SV2B: variants seen among roughly 807,000 people sequenced by gnomAD.
The protein encoded by SV2B is synaptic vesicle glycoprotein 2B.
Under a neutral mutation model 73.9 loss-of-function variants are expected in SV2B, and 41 were observed. That is an observed-to-expected ratio of 0.56 (90% CI 0.43 to 0.72). The LOEUF is 0.72. Ranked by LOEUF, SV2B falls within the 30% of genes least tolerant of loss-of-function variation. The pLI is 0.00. For missense variants in SV2B, 764 were observed against 857.8 expected, an observed-to-expected ratio of 0.89 and a Z score of 1.37; for synonymous variants, 314 against 314.2, an observed-to-expected ratio of 1.00 and a Z score of 0.01.
In SV2B at chr15:91,197,517, C is replaced by T. The variant is rs2045293056; in HGVS notation, c.-391-28356C>T. On this transcript the variant is annotated intron_variant, in intron 1 of 12. Coordinates refer to ENST00000394232, the MANE Select transcript of SV2B (RefSeq NM_001323032.3). This position sits in a 1 kb window ranked among gnomAD's most constrained non-coding sequence, Gnocchi z 4.9. ...GGGATTACAGGCGTGAGCCACCGCG[C>T]CCAGCCATCATTGTTTTTAATAGAA... 6.6e-6 allele frequency among the ~76,000 whole-genome samples: 1 copy of T among 151,560 alleles called. No homozygotes were observed. The highest frequency in any genetic ancestry group is 1.5e-5 in the Non-Finnish European group (1 of 67,904).
intron 1 of SV2B, among the ~76,000 whole-genome samples, chr15:91,210,110 C>A (rs1443953089): frequency 6.6e-6 from 1 of 151,724 alleles, no homozygotes; most frequent in Non-Finnish European, 1.5e-5. Flanking sequence ...GAGTCTATGG[C>A]AGGATAATTA....
intron 1 of SV2B, among the ~76,000 whole-genome samples, chr15:91,125,497 C>T (rs895961810): frequency 2.6e-5 from 4 of 152,054 alleles, no homozygotes; most frequent in East Asian, 3.9e-4. Flanking sequence ...TTTGGCCAGG[C>T]GCAGTGGCTC....
In SV2B at chr15:91,239,197, G is replaced by A. The variant is rs2046907922; in HGVS notation, c.451+12483G>A. On this transcript the variant is annotated intron_variant, in intron 2 of 12. Transcript: ENST00000394232. The surrounding 1 kb of genome is among the most constrained non-coding windows in gnomAD (Gnocchi z 5.1). ...TCCTCTTCTCCGTGTGGGCTGGCCT[G>A]GCTGCTTGAATGTGTGGAGTGTACG... Among the ~76,000 whole-genome samples the A allele has an allele frequency of 6.6e-6, 1 of 152,108 alleles. No homozygotes were observed.
intron 1 of SV2B, among the ~76,000 whole-genome samples, chr15:91,187,706 C>G (rs2044829080): frequency 6.6e-6 from 1 of 150,840 alleles, no homozygotes; most frequent in Non-Finnish European, 1.5e-5. Context: ...GTTTTCCTTG[C>G]TGCAATGATA....
At chr15:91,221,702 C>CACAT (rs2046224594) in intron 1 of SV2B, among the ~76,000 whole-genome samples, 1 of 151,354 alleles carries the variant, frequency 6.6e-6, no homozygotes, top group African/African-American at 2.4e-5. Flanking sequence ...CGCACACACA[C>CACAT]ACACACACAC....
chr15:91,151,256 T>C (rs561037524), intron 1 of SV2B, among the ~76,000 whole-genome samples: 3 of 152,344 alleles, frequency 2.0e-5, no homozygotes, highest in South Asian at 2.1e-4. Flanking sequence ...ATGTCATTAA[T>C]GGTTACACAG....
intron 1 of SV2B, among the ~76,000 whole-genome samples, chr15:91,161,530 T>C (rs1010574614): frequency 2.0e-5 from 3 of 152,226 alleles, no homozygotes; most frequent in African/African-American, 7.2e-5. Context: ...TGCTTTTTGC[T>C]GCTTACAATG....
chr15:91,154,410 G>A (rs944483143), intron 1 of SV2B, among the ~76,000 whole-genome samples: 3 of 152,102 alleles, frequency 2.0e-5, no homozygotes, highest in Admixed American at 2.0e-4. Flanking sequence ...CTAAGATTAA[G>A]TGACAGAAAT....
At chr15:91,165,683 A>G (rs932683649) in intron 1 of SV2B, among the ~76,000 whole-genome samples, 7 of 152,224 alleles carry the variant, frequency 4.6e-5, no homozygotes, top group East Asian at 3.8e-4. Context: ...AAGGTGATCT[A>G]TCTTCATAGA....
At chr15:91,194,900 T>A (rs1362393312) in intron 1 of SV2B, among the ~76,000 whole-genome samples, 3 of 152,096 alleles carry the variant, frequency 2.0e-5, no homozygotes, top group Non-Finnish European at 4.4e-5. Context: ...TCTATGTGGT[T>A]GTGTCTAAGA....
Position 91,182,861 on chromosome 15 carries a change from T to C in SV2B, c.-391-43012T>C, listed in dbSNP as rs79175910. 5.9e-5 allele frequency among the ~76,000 whole-genome samples: 9 copies of C among 152,358 alleles called. No homozygotes were observed. In the East Asian group the frequency reaches 1.7e-3, roughly 29 times the overall value. ...TAAACCAAACTCAAATGCATGTAGA[T>C]GTACACACAACTGCCAAGTTTGGAA... On this transcript the variant is annotated intron_variant, in intron 1 of 12. Coordinates refer to ENST00000394232, the MANE Select transcript of SV2B (RefSeq NM_001323032.3).
chr15:91,208,349 A>G (rs534302514), intron 1 of SV2B, among the ~76,000 whole-genome samples: 5 of 152,174 alleles, frequency 3.3e-5, no homozygotes, highest in Non-Finnish European at 5.9e-5. Flanking sequence ...TTGCTTTGTG[A>G]TTTATGATGA....
At position 91,211,262 on chromosome 15, in the gene SV2B, T is replaced by A. The variant is rs1439130195; in HGVS notation, c.-391-14611T>A. On this transcript the variant is annotated intron_variant, in intron 1 of 12. Coordinates refer to ENST00000394232, the MANE Select transcript of SV2B (RefSeq NM_001323032.3). The stretch of plus-strand genomic sequence containing the variant: ...TCATTCCCAGAACTTCCTTCCTTGC[T>A]AGTCTCAGAATTTAAAAGCTAGAAG... 3.3e-5 allele frequency among the ~76,000 whole-genome samples: 5 copies of A among 152,192 alleles called. No homozygotes were observed. The East Asian group carries it at 9.6e-4, about 29-fold the overall frequency.
intron 1 of SV2B, among the ~76,000 whole-genome samples, chr15:91,221,992 G>A (rs957770144): frequency 3.9e-5 from 6 of 152,086 alleles, no homozygotes; most frequent in African/African-American, 7.2e-5. Flanking sequence ...AGGCCACCTG[G>A]TCTCTTCATT....
chr15:91,218,947 CT>C (rs796083126), intron 1 of SV2B, among the ~76,000 whole-genome samples: 5 of 151,344 alleles, frequency 3.3e-5, no homozygotes, highest in African/African-American at 4.8e-5. Flanking sequence ...TTTCTTTCTT[CT>C]TTTTTTTTAA....
At chr15:91,182,403 A>G (rs1490592153) in intron 1 of SV2B, among the ~76,000 whole-genome samples, 2 of 152,222 alleles carry the variant, frequency 1.3e-5, no homozygotes, top group Non-Finnish European at 2.9e-5. Flanking sequence ...ATGAATAACT[A>G]AAGAAAAGGT....
At chr15:91,109,647 A>G (rs1345809042) in intron 1 of SV2B, among the ~76,000 whole-genome samples, 1 of 152,208 alleles carries the variant, frequency 6.6e-6, no homozygotes, top group Non-Finnish European at 1.5e-5. Context: ...GAAGACCTTA[A>G]TTGAACTGTA....
rs2047339365 is a variant in SV2B, at chr15:91,248,380, G to A, written c.452-3439G>A. 2.0e-5 allele frequency among the ~76,000 whole-genome samples: 3 copies of A among 152,158 alleles called. 1 individual carries two copies. Among genetic ancestry groups the A allele is most frequent in the Admixed American group, 2.0e-4 (3 of 15,272 alleles). On this transcript the variant is annotated intron_variant, in intron 2 of 12. Transcript: ENST00000394232. ...TTAAGTAGTTTAATCAAACATTTGT[G>A]TCTGAGTTTATGTTTTTAATCTGCA...
intron 1 of SV2B, among the ~76,000 whole-genome samples, chr15:91,114,604 A>G (rs2042127811): frequency 6.6e-6 from 1 of 152,172 alleles, no homozygotes; most frequent in Admixed American, 6.5e-5. Flanking sequence ...ATTTAATCCC[A>G]GTCTCTTAAT....
Sources: allele counts gnomAD v4.1 joint callset (sites outside exome capture counted in the v4.1 genomes callset), GRCh38; gene constraint gnomAD v4.1.1; non-coding constraint Gnocchi (gnomAD v3.1); transcripts MANE v1.5; gene names NCBI Gene and HGNC (gene_info 2026-07-23, HGNC 2026-07-21).